FSIP1: variants seen among roughly 807,000 people sequenced by gnomAD.
FSIP1 encodes fibrous sheath-interacting protein 1.
FSIP1 carries 65 observed loss-of-function variants against 60.9 expected under a neutral mutation model. The ratio of observed to expected loss-of-function variants is 1.07; its 90% CI spans 0.87 to 1.31. The LOEUF is 1.31. Ranked by LOEUF, FSIP1 falls within the 40% of genes most tolerant of loss-of-function variation. FSIP1 has a pLI of 0.00. For missense variants in FSIP1, 675 were observed against 665.5 expected, an observed-to-expected ratio of 1.01 and a Z score of -0.16; for synonymous variants, 209 against 221.2, an observed-to-expected ratio of 0.94 and a Z score of 0.49.
intron 10 of FSIP1, among the ~76,000 whole-genome samples, chr15:39,680,903 T>C (rs979060150): frequency 2.0e-5 from 3 of 152,134 alleles, no homozygotes; most frequent in African/African-American, 7.2e-5. Context: ...AGCCAGGCCT[T>C]ATGGAGAAAA....
chr15:39,692,580 G>A (rs1298289638), intron 10 of FSIP1, among the ~76,000 whole-genome samples: 1 of 152,146 alleles, frequency 6.6e-6, no homozygotes, highest in Non-Finnish European at 1.5e-5. Flanking sequence ...GATAAAAGGA[G>A]AGTACTAAAC....
intron 10 of FSIP1, among the ~76,000 whole-genome samples, chr15:39,644,250 C>T (rs1892494583): frequency 6.6e-6 from 1 of 152,190 alleles, no homozygotes; most frequent in Non-Finnish European, 1.5e-5. Flanking sequence ...CACTTCCCCT[C>T]GCTACAGGAA....
chr15:39,636,499 C>T (rs11070226), intron 10 of FSIP1, among the ~76,000 whole-genome samples: 27,548 of 152,050 alleles, frequency 0.18, 3,031 homozygotes, highest in East Asian at 0.32. Flanking sequence ...CTTTGTAATG[C>T]AACTCCTTCA....
chr15:39,640,927 G>A (rs139275858), intron 10 of FSIP1, among the ~76,000 whole-genome samples: 12 of 152,288 alleles, frequency 7.9e-5, no homozygotes, highest in African/African-American at 2.9e-4. Context: ...TACTAAATTA[G>A]GTTTTCAATC....
At chr15:39,636,247 T>C (rs948766808) in intron 10 of FSIP1, among the ~76,000 whole-genome samples, 3 of 152,340 alleles carry the variant, frequency 2.0e-5, no homozygotes, top group African/African-American at 7.2e-5. Context: ...AGTGCTCTTA[T>C]AGCAATAAAT....
intron 5 of FSIP1, among the ~76,000 whole-genome samples, chr15:39,757,883 C>G (rs547656008): frequency 2.6e-5 from 4 of 152,122 alleles, no homozygotes; most frequent in African/African-American, 7.2e-5. Context: ...TTACGTTGAC[C>G]CTACTTTTGC....
chr15:39,668,959 G>A (rs562258584), intron 10 of FSIP1, among the ~76,000 whole-genome samples: 24 of 152,218 alleles, frequency 1.6e-4, no homozygotes, highest in Admixed American at 2.6e-4. Context: ...CTATTTTTTC[G>A]TTGGTCAGAT....
At position 39,668,180 on chromosome 15, in the gene FSIP1, A is replaced by C. The variant is rs185510193; in HGVS notation, c.1188+45264T>G. Among the ~76,000 whole-genome samples, 3 of 146,030 alleles carry C rather than the reference A, an allele frequency of 2.1e-5. No homozygotes were observed. The Admixed American group carries it at 2.1e-4, about 10-fold the overall frequency. ...GATACAGTACTTTTGATGATCTTCTAATGAACTATATCATTAAATTTCCAA... is the reference window on the plus strand; with the variant it reads ...GATACAGTACTTTTGATGATCTTCTCATGAACTATATCATTAAATTTCCAA... On this transcript the variant is annotated intron_variant, in intron 10 of 11. Coordinates refer to ENST00000350221, the MANE Select transcript of FSIP1 (RefSeq NM_152597.5).
chr15:39,721,276 AGAGAT>A (rs767430237), intron 9 of FSIP1, among the ~76,000 whole-genome samples: 6 of 152,254 alleles, frequency 3.9e-5, no homozygotes, highest in Non-Finnish European at 8.8e-5. Context: ...GTTACCATAC[AGAGAT>A]AAGTCAGAAA....
chr15:39,737,981 A>G (rs1595679261), intron 8 of FSIP1, 110 bp downstream of exon 8: 1 of 628,038 alleles, frequency 1.6e-6, no homozygotes, highest in Non-Finnish European at 2.6e-6. Flanking sequence ...ATCAAAGAAT[A>G]ATGTCTCAGA....
chr15:39,758,171 G>A lies in FSIP1; in HGVS notation c.559+5650C>T, dbSNP rs532281483. Reference sequence around the variant, plus strand: ...GAGCATAGATTTAAGTCAAATATACGGGCCAGGAGCTTTAAAAATTAAACA... The same window carrying A: ...GAGCATAGATTTAAGTCAAATATACAGGCCAGGAGCTTTAAAAATTAAACA... On this transcript the variant is annotated intron_variant, in intron 5 of 11. Coordinates refer to ENST00000350221, the MANE Select transcript of FSIP1 (RefSeq NM_152597.5). Among the ~76,000 whole-genome samples, 17 of 152,036 alleles carry A rather than the reference G, an allele frequency of 1.1e-4. No homozygotes were observed. The South Asian group carries it at 1.7e-3, about 15-fold the overall frequency.
intron 10 of FSIP1, among the ~76,000 whole-genome samples, chr15:39,690,519 T>C (rs896720390): frequency 3.3e-5 from 5 of 152,192 alleles, no homozygotes; most frequent in Admixed American, 2.6e-4. Context: ...ACAATTCCAG[T>C]ATCTCCCTCC....
chr15:39,780,024 G>GA lies in FSIP1; in HGVS notation c.-8+2603dup, dbSNP rs200587241. Among the ~76,000 whole-genome samples, 465 of 152,196 alleles carry GA rather than the reference G, an allele frequency of 3.1e-3. 25 individuals carry two copies. The East Asian group carries it at 0.076, about 25-fold the overall frequency. On this transcript the variant is annotated intron_variant, in intron 1 of 11. Transcript: ENST00000350221. ...TCTGTAAGGAATACTTGCCCATGCA[G>GA]AAAAAACATCAAATAATACAGGTGA...
chr15:39,663,797 T>C (rs1308430827), intron 10 of FSIP1, among the ~76,000 whole-genome samples: 1 of 152,054 alleles, frequency 6.6e-6, no homozygotes, highest in Non-Finnish European at 1.5e-5. Flanking sequence ...GACAACTAGG[T>C]TTTTAAAATG....
At chr15:39,667,877 G>A (rs1004854528) in intron 10 of FSIP1, among the ~76,000 whole-genome samples, 11 of 152,210 alleles carry the variant, frequency 7.2e-5, no homozygotes, top group African/African-American at 2.7e-4. Flanking sequence ...CAGGTGTTGA[G>A]GGTTGGTGTC....
In FSIP1 at chr15:39,779,049, C is replaced by A. The variant is rs145927097; in HGVS notation, c.-7-2518G>T. 1.3e-3 allele frequency among the ~76,000 whole-genome samples: 191 copies of A among 152,072 alleles called. 3 individuals carry two copies. In the East Asian group the frequency reaches 0.035, roughly 28 times the overall value. On this transcript the variant is annotated intron_variant, in intron 1 of 11. Transcript: ENST00000350221. ...CTTGAATCTCAAACATGAAAAAGAA[C>A]TCTAAGTGAAATTAAAAGGAACCTG...
intron 10 of FSIP1, among the ~76,000 whole-genome samples, chr15:39,653,518 C>G (rs1021831128): frequency 3.3e-5 from 5 of 152,068 alleles, no homozygotes; most frequent in African/African-American, 1.2e-4. Context: ...TTCTTTATAT[C>G]CTAATTCAAT....
At chr15:39,747,267 A>G (rs1283190285) in intron 5 of FSIP1, 1 of 152,184 alleles carries the variant, frequency 6.6e-6, no homozygotes, top group Admixed American at 6.5e-5. Context: ...CTCTCCTCTA[A>G]AGTAATACAA....
At chr15:39,697,997 T>C (rs181205884) in intron 10 of FSIP1, among the ~76,000 whole-genome samples, 1 of 146,304 alleles carries the variant, frequency 6.8e-6, no homozygotes, top group African/African-American at 2.5e-5. Context: ...ATGTTTACTT[T>C]AAAAAAAAAA....
Sources: gnomAD v4.1 joint callset for allele counts (sites outside exome capture counted in the v4.1 genomes callset) on GRCh38, gnomAD v4.1.1 for gene constraint, MANE v1.5 for transcripts, NCBI Gene and HGNC (gene_info 2026-07-23, HGNC 2026-07-21) for gene names.